Variants in ITGB6 observed in about 807,000 individuals in gnomAD.
ITGB6 encodes integrin subunit beta 6, also known as integrin beta-6.
A neutral mutation model predicts 84.5 loss-of-function variants in ITGB6; 80 were observed. The observed-to-expected ratio is 0.95, with a 90% CI of 0.79 to 1.14. The LOEUF (loss-of-function observed/expected upper bound fraction) is 1.14, where lower values mean the gene tolerates loss of function less well. Ranked by LOEUF, ITGB6 falls within the 50% of genes most tolerant of loss-of-function variation. The pLI is 0.00. For missense variants in ITGB6, 1,006 were observed against 968.0 expected (o/e 1.04, Z -0.52); for synonymous variants, 383 against 354.9 (o/e 1.08, Z -0.89).
intron 12 of ITGB6, among the ~76,000 whole-genome samples, chr2:160,119,296 T>C (rs1306662147): frequency 1.3e-5 from 2 of 152,294 alleles, no homozygotes; most frequent in Non-Finnish European, 2.9e-5. Context: ...CAAAACAGCA[T>C]GGTACTGGTA....
Position 160,196,429 on chromosome 2 carries a change from G to A in ITGB6, c.142-9C>T. Reference sequence around the variant, plus strand: ...GATGGATGAGTAAAATTCTAAAAAAGAAAAAGAAAAACAATAACCAGAAAA... The same window carrying A: ...GATGGATGAGTAAAATTCTAAAAAAAAAAAAGAAAAACAATAACCAGAAAA... On this transcript the variant is annotated splice_polypyrimidine_tract_variant and intron_variant, in intron 2 of 14. Coordinates refer to ENST00000283249, the MANE Select transcript of ITGB6 (RefSeq NM_000888.5). 1 of 1,585,342 alleles carries A rather than the reference G, an allele frequency of 6.3e-7. No individual in the cohort carries two copies. Among genetic ancestry groups the A allele is most frequent in the East Asian group, 2.2e-5 (1 of 44,694 alleles).
At chr2:160,123,369 C>T (rs565302544) in intron 12 of ITGB6, among the ~76,000 whole-genome samples, 1 of 152,222 alleles carries the variant, frequency 6.6e-6, no homozygotes, top group East Asian at 1.9e-4. Flanking sequence ...TTGGAGCCAC[C>T]ATCTGGAACA....
intron 7 of ITGB6, among the ~76,000 whole-genome samples, chr2:160,159,455 A>C (rs954367850): frequency 6.6e-6 from 1 of 152,196 alleles, no homozygotes; most frequent in Admixed American, 6.5e-5. Context: ...CAGGGTTTTC[A>C]GCCTGTCATA....
intron 4 of ITGB6, among the ~76,000 whole-genome samples, chr2:160,177,256 T>C (rs1457810668): frequency 1.3e-5 from 2 of 152,206 alleles, no homozygotes; most frequent in East Asian, 3.8e-4. Flanking sequence ...CTACATTTCT[T>C]ATTCTAATTT....
chr2:160,126,259 T>C (rs978069841), intron 11 of ITGB6, 120 bp downstream of exon 11: 4 of 845,162 alleles, frequency 4.7e-6, no homozygotes, highest in Non-Finnish European at 7.6e-6. Flanking sequence ...TGTGTTTTGA[T>C]GGATGTTTGG....
At chr2:160,173,437 C>T (rs1685294379) in intron 5 of ITGB6, among the ~76,000 whole-genome samples, 1 of 152,086 alleles carries the variant, frequency 6.6e-6, no homozygotes, top group Admixed American at 6.6e-5. Context: ...CTGTTTATTT[C>T]CTGATATTTT....
chr2:160,183,635 C>A (rs536198873), intron 4 of ITGB6, among the ~76,000 whole-genome samples: 1 of 152,212 alleles, frequency 6.6e-6, no homozygotes, highest in South Asian at 2.1e-4. Context: ...CTGGACCAAG[C>A]AGAACTAATA....
At chr2:160,136,493 C>T (rs1328624153) in intron 10 of ITGB6, among the ~76,000 whole-genome samples, 23 of 152,102 alleles carry the variant, frequency 1.5e-4, no homozygotes, top group Non-Finnish European at 1.5e-4. Context: ...GTCAGTGTGG[C>T]AATTCCTCAG....
chr2:160,112,165 C>A lies in ITGB6; in HGVS notation c.2016G>T (p.Leu672=). 1.2e-6 allele frequency: 2 copies of A among 1,612,520 alleles called. No homozygotes were observed. Among genetic ancestry groups the A allele is most frequent in the Non-Finnish European group, 1.7e-6 (2 of 1,178,776 alleles). ...FSKDGSVSCS[L]QGENECLITF... ...TAATAAGACATTCATTTTCTCCTTG[C>A]AGAGAGCAGGAAACAGAACCATCCT... Residue 672 remains leucine, a synonymous_variant, in exon 13 of 15, where the codon CTG becomes CTT. Transcript: ENST00000283249.
chr2:160,129,392 C>CAAAAAAAAAAAA (rs374921878), intron 10 of ITGB6, among the ~76,000 whole-genome samples: 1 of 126,822 alleles, frequency 7.9e-6, no homozygotes, highest in African/African-American at 3.0e-5. Flanking sequence ...TACTTTTCTT[C>CAAAAAAAAAAAA]AAAAAAAAAA....
chr2:160,158,597 G>A (rs559718913), intron 7 of ITGB6, among the ~76,000 whole-genome samples: 2 of 152,306 alleles, frequency 1.3e-5, no homozygotes, highest in Admixed American at 6.5e-5. Flanking sequence ...AATAGGAAGT[G>A]ATGTGGGGTT....
rs76911772 is a variant in ITGB6, at chr2:160,151,103, T to G, written c.1018-9032A>C. ...CTCTGCAACAAGCAGACCTAATAGA[T>G]GTCTACAGAACTCTCCACCCCAAAT... On this transcript the variant is annotated intron_variant, in intron 7 of 14. Transcript: ENST00000283249. Among the ~76,000 whole-genome samples the G allele has an allele frequency of 4.3e-4, 65 of 152,214 alleles. 1 individual carries two copies. In the East Asian group the frequency reaches 0.012, roughly 29 times the overall value.
intron 10 of ITGB6, among the ~76,000 whole-genome samples, chr2:160,129,924 G>A (rs1683397609): frequency 6.6e-6 from 1 of 152,046 alleles, no homozygotes; most frequent in Non-Finnish European, 1.5e-5. Context: ...ATATGTGTGT[G>A]TGTATATATA....
chr2:160,198,115 C>G (rs1686411675), intron 2 of ITGB6, among the ~76,000 whole-genome samples: 2 of 152,166 alleles, frequency 1.3e-5, no homozygotes, highest in African/African-American at 2.4e-5. Flanking sequence ...GAAACTAATA[C>G]TTCTTCAAGA....
intron 12 of ITGB6, among the ~76,000 whole-genome samples, chr2:160,116,875 TA>T (rs1178975421): frequency 3.9e-4 from 59 of 150,566 alleles, no homozygotes; most frequent in Non-Finnish European, 7.6e-4. Context: ...TAGTCTCTGA[TA>T]AAACAGACTT....
chr2:160,116,759 C>A (rs1682789419), intron 12 of ITGB6, among the ~76,000 whole-genome samples: 1 of 152,134 alleles, frequency 6.6e-6, no homozygotes, highest in Non-Finnish European at 1.5e-5. Context: ...GTGCTGTATT[C>A]AGGAAACCCA....
In ITGB6 at chr2:160,157,891, A is replaced by T. The variant is rs2105848089; in HGVS notation, c.1017+11321T>A. 1.3e-5 allele frequency among the ~76,000 whole-genome samples: 2 copies of T among 152,252 alleles called. 1 individual carries two copies. The highest frequency in any genetic ancestry group is 4.1e-4 in the South Asian group (2 of 4,822). ...AGCTAGGGGCGGACTGGGTTTGCTG[A>T]AATGAGTCCTTCTTCAGAAGGCTTT... On this transcript the variant is annotated intron_variant, in intron 7 of 14. Transcript: ENST00000283249.
rs1215739773 is a variant in ITGB6, at chr2:160,101,841, A to G, written c.2269-7T>C. On this transcript the variant is annotated splice_polypyrimidine_tract_variant and splice_region_variant and intron_variant, in intron 14 of 14. Transcript: ENST00000283249. ...TGTAGAGTGGATTGGTTCCCTGGAAAAAAAAAAAAGATTCAAGTGAAAGTA... is the reference window on the plus strand; with the variant it reads ...TGTAGAGTGGATTGGTTCCCTGGAAGAAAAAAAAAGATTCAAGTGAAAGTA... 3.9e-5 allele frequency: 47 copies of G among 1,200,604 alleles called. No individual in the cohort carries two copies. The highest frequency in any genetic ancestry group is 4.7e-5 in the Non-Finnish European group (43 of 913,874). The allele number at this position is 1,200,604 out of a possible 1,614,324, so 74.4% of individuals were successfully genotyped here. A position where few individuals can be genotyped will look rare whatever the true frequency, so the allele number is the denominator to read the frequency against.
At chr2:160,141,194 C>T (rs935537047) in intron 8 of ITGB6, among the ~76,000 whole-genome samples, 24 of 151,444 alleles carry the variant, frequency 1.6e-4, no homozygotes, top group African/African-American at 5.6e-4. Flanking sequence ...TACTTTTTTT[C>T]ATTCCTATCC....
Sources: allele counts gnomAD v4.1 joint callset (sites outside exome capture counted in the v4.1 genomes callset), GRCh38; gene constraint gnomAD v4.1.1; transcripts MANE v1.5; gene names NCBI Gene and HGNC (gene_info 2026-07-23, HGNC 2026-07-21).